The following DAB1 variants were observed in gnomAD, a reference collection of about 807,000 sequenced individuals.
DAB1 encodes disabled homolog 1.
In DAB1, 15 loss-of-function variants were observed where a neutral mutation model predicts 64.6. The observed-to-expected ratio is 0.23, with a 90% confidence interval of 0.16 to 0.36. The LOEUF (loss-of-function observed/expected upper bound fraction) is 0.36. DAB1 is among the 10% of genes least tolerant of loss of function. The pLI is 1.00. For synonymous variants in DAB1, 235 were observed against 251.9 expected, an observed-to-expected ratio of 0.93 and a Z score of 0.64; for missense variants, 596 against 706.7, an observed-to-expected ratio of 0.84 and a Z score of 1.78.
At chr1:57,148,654 G>A (rs1368386720) in intron 2 of DAB1, among the ~76,000 whole-genome samples, 1 of 152,150 alleles carries the variant, frequency 6.6e-6, no homozygotes, top group Non-Finnish European at 1.5e-5. Context: ...CACGTTTAAG[G>A]AAAATCACCC....
At chr1:58,223,934 G>A (rs1034433219) in intron 4 of DAB1, among the ~76,000 whole-genome samples, 1 of 152,196 alleles carries the variant, frequency 6.6e-6, no homozygotes, top group Non-Finnish European at 1.5e-5. Flanking sequence ...CTTGAAAGAA[G>A]AATTGCTTCC....
chr1:57,868,294 C>T (rs1038556947), intron 1 of DAB1, among the ~76,000 whole-genome samples: 7 of 151,102 alleles, frequency 4.6e-5, no homozygotes, highest in African/African-American at 1.7e-4. Context: ...AGAGCATTTT[C>T]AGGGTGTTCT....
intron 6 of DAB1, among the ~76,000 whole-genome samples, chr1:57,803,709 C>A (rs1651235282): frequency 6.6e-6 from 1 of 152,202 alleles, no homozygotes; most frequent in Admixed American, 6.5e-5. Flanking sequence ...GGATCTAGAA[C>A]TAGACCTTGA....
chr1:58,438,688 A>G (rs570756082), intron 3 of DAB1, among the ~76,000 whole-genome samples: 1 of 152,202 alleles, frequency 6.6e-6, no homozygotes, highest in Non-Finnish European at 1.5e-5. Context: ...GGACATTCAC[A>G]TGCTCCTCAG....
At chr1:58,401,209 G>C (rs1193148201) in intron 3 of DAB1, among the ~76,000 whole-genome samples, 1 of 152,166 alleles carries the variant, frequency 6.6e-6, no homozygotes, top group Non-Finnish European at 1.5e-5. Context: ...TCCTTCCCGT[G>C]TCCTGGAAGA....
chr1:57,630,060 C>T (rs1273981653), intron 7 of DAB1, among the ~76,000 whole-genome samples: 3 of 152,092 alleles, frequency 2.0e-5, no homozygotes, highest in African/African-American at 4.8e-5. Context: ...ATATCCCTTC[C>T]ACCTGGATGC....
intron 1 of DAB1, among the ~76,000 whole-genome samples, chr1:57,866,040 G>C (rs1317880944): frequency 4.6e-5 from 7 of 152,118 alleles, no homozygotes; most frequent in Admixed American, 1.3e-4. Context: ...TTTCATAGGG[G>C]CACTGATCCC....
chr1:57,644,192 G>A (rs949638024), intron 7 of DAB1, among the ~76,000 whole-genome samples: 4 of 152,068 alleles, frequency 2.6e-5, no homozygotes, highest in Non-Finnish European at 2.9e-5. Context: ...AATTTCATGA[G>A]GAGCCTGATT....
intron 7 of DAB1, among the ~76,000 whole-genome samples, chr1:57,488,536 T>C (rs1433873114): frequency 1.3e-5 from 2 of 150,520 alleles, no homozygotes; most frequent in East Asian, 3.9e-4. Flanking sequence ...ATTAGCCGGG[T>C]GTGGTGGTGC....
intron 11 of DAB1, 67 bp from the exon 12 acceptor site, chr1:57,015,498 C>T (rs1297374066): frequency 2.1e-6 from 3 of 1,409,966 alleles, no homozygotes; most frequent in South Asian, 2.8e-5. Context: ...TGCATGGACT[C>T]AGGTAATTGA....
intron 4 of DAB1, among the ~76,000 whole-genome samples, chr1:58,223,262 C>G (rs1247321615): frequency 6.6e-6 from 1 of 152,196 alleles, no homozygotes; most frequent in Non-Finnish European, 1.5e-5. Flanking sequence ...AAGTGGCCCA[C>G]AAACAGGCCA....
intron 1 of DAB1, among the ~76,000 whole-genome samples, chr1:57,861,815 A>T (rs889574658): frequency 1.3e-5 from 2 of 149,770 alleles, no homozygotes; most frequent in African/African-American, 4.9e-5. Flanking sequence ...TATAATATGT[A>T]TTAAATATGA....
chr1:58,092,277 G>C (rs115546631), intron 5 of DAB1, among the ~76,000 whole-genome samples: 1 of 151,002 alleles, frequency 6.6e-6, no homozygotes, highest in Non-Finnish European at 1.5e-5. Context: ...GCATTGCAGC[G>C]AGTCAAGATC....
chr1:58,416,910 A>T (rs1413740181), intron 3 of DAB1, among the ~76,000 whole-genome samples: 1 of 152,190 alleles, frequency 6.6e-6, no homozygotes, highest in East Asian at 1.9e-4. Context: ...ACTTAGTATT[A>T]AAAAAAGAAT....
chr1:57,911,607 T>C (rs527999157), intron 5 of DAB1, among the ~76,000 whole-genome samples: 1 of 152,028 alleles, frequency 6.6e-6, no homozygotes, highest in East Asian at 1.9e-4. Context: ...TCATACAGAG[T>C]CCACTCAGCA....
rs866749509 is a variant in DAB1 at position 57,724,316 on chromosome 1, G to A, written n.552-74651C>T. Among the ~76,000 whole-genome samples, 10 of 110,334 alleles carry A rather than the reference G, an allele frequency of 9.1e-5. No individual in the cohort carries two copies. In the East Asian group the frequency reaches 1.2e-3, roughly 14 times the overall value. 72.4% of individuals were successfully genotyped at this position (110,334 alleles called of 152,430 possible). ...GAAGGAAGGAAGGGAGGGAGGGAGG[G>A]AGGAAGGAAGGAAGGAAGAGAGGGG... On this transcript the variant is annotated intron_variant and non_coding_transcript_variant, in intron 6 of 20. Transcript: ENST00000485760.
intron 14 of DAB1, among the ~76,000 whole-genome samples, chr1:57,009,560 T>C (rs1029246096): frequency 2.4e-4 from 37 of 152,180 alleles, no homozygotes; most frequent in African/African-American, 8.4e-4. Context: ...AATCCATTTA[T>C]GAGGTAGCCT....
intron 7 of DAB1, among the ~76,000 whole-genome samples, chr1:57,558,546 A>C (rs1029487645): frequency 6.6e-6 from 1 of 152,186 alleles, no homozygotes; most frequent in African/African-American, 2.4e-5. Context: ...GAGTTTTCTA[A>C]TTTATATAAA....
At chr1:58,252,965 G>C (rs1660838288) in intron 4 of DAB1, among the ~76,000 whole-genome samples, 1 of 152,170 alleles carries the variant, frequency 6.6e-6, no homozygotes, top group Non-Finnish European at 1.5e-5. Flanking sequence ...TCCAAAACTA[G>C]TATATTGAAG....
Sources: allele counts gnomAD v4.1 joint callset (sites outside exome capture counted in the v4.1 genomes callset), GRCh38; gene constraint gnomAD v4.1.1; transcripts MANE v1.5; gene names NCBI Gene and HGNC (gene_info 2026-07-23, HGNC 2026-07-21).